Variants in SNX24 observed in about 807,000 individuals in gnomAD.
The protein encoded by SNX24 is sorting nexin-24.
A neutral mutation model predicts 28.7 loss-of-function variants in SNX24; 22 were observed. The observed-to-expected ratio is 0.77, with a 90% CI of 0.55 to 1.10. The LOEUF (loss-of-function observed/expected upper bound fraction) is 1.10. Ranked by LOEUF, SNX24 falls within the 50% of genes least tolerant of loss-of-function variation. The pLI is 0.00. For missense variants in SNX24, 221 were observed against 201.1 expected, an observed-to-expected ratio of 1.10 and a Z score of -0.60; for synonymous variants, 69 against 71.5, an observed-to-expected ratio of 0.96 and a Z score of 0.18.
chr5:122,994,856 A>T (rs909791930), intron 3 of SNX24, among the ~76,000 whole-genome samples: 3 of 151,678 alleles, frequency 2.0e-5, no homozygotes, highest in African/African-American at 4.8e-5. Context: ...AAGAAAAATA[A>T]TTTTTTTTTG....
At chr5:122,983,625 A>G (rs1361764924) in intron 3 of SNX24, among the ~76,000 whole-genome samples, 1 of 152,198 alleles carries the variant, frequency 6.6e-6, no homozygotes, top group Non-Finnish European at 1.5e-5. Flanking sequence ...TGTTGTTGAA[A>G]CAGGGTCTCA....
intron 3 of SNX24, among the ~76,000 whole-genome samples, chr5:122,971,223 G>A (rs1269026489): frequency 6.6e-6 from 1 of 152,182 alleles, no homozygotes; most frequent in African/African-American, 2.4e-5. Flanking sequence ...TCCAGCATGG[G>A]AGAAAGATGA....
intron 3 of SNX24, among the ~76,000 whole-genome samples, chr5:122,989,111 A>T (rs1396828816): frequency 1.3e-5 from 2 of 152,098 alleles, no homozygotes; most frequent in East Asian, 3.8e-4. Flanking sequence ...CAAAAACAGG[A>T]CTTTACAATC....
chr5:122,914,302 AT>A (rs1758063313), intron 1 of SNX24, among the ~76,000 whole-genome samples: 1 of 152,210 alleles, frequency 6.6e-6, no homozygotes, highest in Non-Finnish European at 1.5e-5. Context: ...GTTTGCCAGT[AT>A]TTTATTGAGG....
chr5:123,015,746 T>G (rs1381537118), intron 5 of SNX24, among the ~76,000 whole-genome samples: 1 of 152,166 alleles, frequency 6.6e-6, no homozygotes, highest in African/African-American at 2.4e-5. Flanking sequence ...AATGTTCAAT[T>G]TCTTTTTAAT....
intron 1 of SNX24, among the ~76,000 whole-genome samples, chr5:122,904,927 C>T (rs1033719493): frequency 6.6e-6 from 1 of 152,130 alleles, no homozygotes; most frequent in African/African-American, 2.4e-5. Flanking sequence ...TCGTATTTCC[C>T]CACTCATGAG....
At chr5:123,000,670 G>A (rs891489714) in intron 4 of SNX24, among the ~76,000 whole-genome samples, 9 of 152,198 alleles carry the variant, frequency 5.9e-5, no homozygotes, top group African/African-American at 9.6e-5. Flanking sequence ...AAGCTCTCCC[G>A]AAGAATTAAC....
At chr5:123,017,178 C>G (rs975244005) in intron 5 of SNX24, among the ~76,000 whole-genome samples, 1 of 151,918 alleles carries the variant, frequency 6.6e-6, no homozygotes, top group Non-Finnish European at 1.5e-5. Context: ...TCATGGGGCC[C>G]CAGGAGTGCC....
intron 1 of SNX24, among the ~76,000 whole-genome samples, chr5:122,929,602 T>C (rs776044296): frequency 2.6e-5 from 4 of 152,184 alleles, no homozygotes; most frequent in African/African-American, 4.8e-5. Context: ...CACCTTTACA[T>C]TGTATATAGT....
At position 122,886,828 on chromosome 5, in the gene SNX24, T is replaced by C. The variant is rs1373497652; in HGVS notation, c.60+41135T>C. The stretch of plus-strand genomic sequence containing the variant: ...CTGGCCAACAGAGCGAGACTCTGAC[T>C]CAAAAAAAAAAAAATTATTCATTAT... On this transcript the variant is annotated intron_variant, in intron 1 of 6. Transcript: ENST00000261369. Among the ~76,000 whole-genome samples, 3 of 150,176 alleles carry C rather than the reference T, an allele frequency of 2.0e-5. No homozygotes were observed. The East Asian group carries it at 5.8e-4, about 29-fold the overall frequency.
chr5:123,027,390 A>AG (rs2150188990), intron 5 of SNX24, among the ~76,000 whole-genome samples: 1 of 152,296 alleles, frequency 6.6e-6, no homozygotes, highest in Non-Finnish European at 1.5e-5. Flanking sequence ...GAAGGTAGTG[A>AG]GAAAAAAAAG....
In SNX24 at chr5:122,943,310, C is replaced by T. The variant is rs561895687; in HGVS notation, c.145-2745C>T. ...CCATGCTTCCCTCCTGTGCTCATCC[C>T]GTTGTACTCCTTCCTTCTCTTTTAG... On this transcript the variant is annotated intron_variant, in intron 2 of 6. Transcript: ENST00000261369. Among the ~76,000 whole-genome samples, 23 of 152,280 alleles carry T rather than the reference C, an allele frequency of 1.5e-4. No homozygotes were observed. The South Asian group carries it at 4.1e-3, about 27-fold the overall frequency.
intron 1 of SNX24, among the ~76,000 whole-genome samples, chr5:122,932,751 T>C (rs1272706308): frequency 6.7e-6 from 1 of 149,198 alleles, no homozygotes; most frequent in Non-Finnish European, 1.5e-5. Flanking sequence ...CCCAGCTTCT[T>C]GGGAAGCTGA....
intron 3 of SNX24, among the ~76,000 whole-genome samples, chr5:122,985,571 A>G (rs1487649952): frequency 6.6e-6 from 1 of 152,248 alleles, no homozygotes; most frequent in Admixed American, 6.5e-5. Flanking sequence ...AGCAAGCCAT[A>G]AAACGTTATG....
At chr5:122,892,795 G>T (rs1372375039) in intron 1 of SNX24, among the ~76,000 whole-genome samples, 2 of 151,064 alleles carry the variant, frequency 1.3e-5, no homozygotes, top group African/African-American at 2.4e-5. Flanking sequence ...CTGAGATGGA[G>T]TCTCACTCTG....
At chr5:122,853,767 C>T (rs995457406) in intron 1 of SNX24, 43 of 320,910 alleles carry the variant, frequency 1.3e-4, no homozygotes, top group Admixed American at 1.1e-3. Flanking sequence ...GCATTACAGC[C>T]GTAAGCCACT....
intron 3 of SNX24, among the ~76,000 whole-genome samples, chr5:122,968,508 C>T (rs1760811704): frequency 6.6e-6 from 1 of 152,148 alleles, no homozygotes; most frequent in Admixed American, 6.5e-5. Flanking sequence ...GGGCAATTTC[C>T]TGACCAAATC....
chr5:122,984,996 G>A (rs1761538307), intron 3 of SNX24, among the ~76,000 whole-genome samples: 1 of 152,166 alleles, frequency 6.6e-6, no homozygotes, highest in Non-Finnish European at 1.5e-5. Context: ...AGTTGAGATT[G>A]TAATGAGCCA....
intron 1 of SNX24, among the ~76,000 whole-genome samples, chr5:122,872,843 C>T (rs536382875): frequency 1.3e-5 from 2 of 152,078 alleles, no homozygotes; most frequent in South Asian, 4.2e-4. Flanking sequence ...CAGTTCCCAC[C>T]GAGACCCATT....
Sources: gnomAD v4.1 joint callset for allele counts (sites outside exome capture counted in the v4.1 genomes callset) on GRCh38, gnomAD v4.1.1 for gene constraint, MANE v1.5 for transcripts, NCBI Gene and HGNC (gene_info 2026-07-23, HGNC 2026-07-21) for gene names.